Variants in SF3A1 observed in about 807,000 individuals in gnomAD.
The protein encoded by SF3A1 is SAP 114.
Under a neutral mutation model 89.9 loss-of-function variants are expected in SF3A1, and 13 were observed. The observed-to-expected ratio is 0.14, with a 90% CI of 0.09 to 0.23. SF3A1 has a LOEUF of 0.23. Ranked by LOEUF, SF3A1 falls within the 10% of genes least tolerant of loss-of-function variation. The pLI, the probability that SF3A1 is intolerant of heterozygous loss-of-function variation, is 1.00. For missense variants in SF3A1, 604 were observed against 1,022.1 expected (o/e 0.59, Z 5.58); for synonymous variants, 405 against 374.4 (o/e 1.08, Z -0.94).
chr22:30,351,799 C>T (rs895886778), intron 2 of SF3A1, among the ~76,000 whole-genome samples: 17 of 152,234 alleles, frequency 1.1e-4, no homozygotes, highest in African/African-American at 4.1e-4. Context: ...CACCTGACCT[C>T]CTCATTTTTA....
chr22:30,354,560 C>T (rs1931699697), intron 1 of SF3A1, among the ~76,000 whole-genome samples: 1 of 152,124 alleles, frequency 6.6e-6, no homozygotes, highest in Non-Finnish European at 1.5e-5. Context: ...TTTTGGTGTC[C>T]TCCACTTCCC....
At chr22:30,337,330 T>C in intron 12 of SF3A1, 150 bp from the exon 13 acceptor site, 2 of 786,578 alleles carry the variant, frequency 2.5e-6, no homozygotes, top group Non-Finnish European at 4.0e-6. Flanking sequence ...GCCAGCAGGT[T>C]CCCTGGCAAG....
rs1601693889 is a variant in SF3A1 at position 30,341,555 on chromosome 22, C to T, written c.1071+137G>A. Reference sequence around the variant, plus strand: ...AGGCTCTGTGCTGCCTGGACTTGGGCAGCTGTATGGCCTTGTTCAGGACCC... The same window carrying T: ...AGGCTCTGTGCTGCCTGGACTTGGGTAGCTGTATGGCCTTGTTCAGGACCC... On this transcript the variant is annotated intron_variant, in intron 7 of 15. Transcript: ENST00000215793. 14 of 589,510 alleles carry T rather than the reference C, an allele frequency of 2.4e-5. 1 individual carries two copies. The East Asian group carries it at 3.7e-4, about 16-fold the overall frequency. 36.5% of individuals were successfully genotyped at this position (589,510 alleles called of 1,614,324 possible). A position where few individuals can be genotyped will look rare whatever the true frequency, so the allele number is the denominator to read the frequency against.
intron 5 of SF3A1, 79 bp from the exon 6 acceptor site, chr22:30,342,429 A>C (rs1931288725): frequency 6.8e-7 from 1 of 1,478,874 alleles, no homozygotes; most frequent in Non-Finnish European, 9.1e-7. Context: ...CAGGGCTTTC[A>C]TCAAAGTCAG....
intron 2 of SF3A1, among the ~76,000 whole-genome samples, chr22:30,351,410 C>G (rs1286685018): frequency 6.6e-6 from 1 of 152,210 alleles, no homozygotes. Flanking sequence ...GAGACACTGC[C>G]TCAGGGGGGT....
At chr22:30,341,321 G>C (rs976243054) in intron 7 of SF3A1, among the ~76,000 whole-genome samples, 4 of 152,192 alleles carry the variant, frequency 2.6e-5, no homozygotes, top group African/African-American at 9.7e-5. Flanking sequence ...ATGCCTGAAA[G>C]GAAGCGTGGG....
chr22:30,339,839 G>A (rs1931193691), intron 9 of SF3A1, among the ~76,000 whole-genome samples: 1 of 152,234 alleles, frequency 6.6e-6, no homozygotes, highest in African/African-American at 2.4e-5. Flanking sequence ...AAGTGGCAGA[G>A]TCAAAACTAG....
Position 30,344,944 on chromosome 22 carries a change from G to A in SF3A1, c.640C>T (p.Gln214Ter). ...LFNYFTKLVE[Q>*]YTKILIPPKG... is the part of the protein sequence containing the mutation. ...TCCTGCCCAGGCACCTTGGTGTACT[G>A]TTCCACTAGCTTCGTGAAGTAGTTG... is the stretch of plus-strand genomic sequence containing the variant. Residue 214 changes from glutamine (Q) to a stop codon, truncating the protein, a stop_gained, in exon 4 of 16, where the codon CAG becomes TAG. Transcript: ENST00000215793. LOFTEE classifies it high-confidence loss of function. 1 of 1,614,218 alleles carries A rather than the reference G, an allele frequency of 6.2e-7. No individual in the cohort carries two copies. Among genetic ancestry groups the A allele is most frequent in the Non-Finnish European group, 8.5e-7 (1 of 1,180,022 alleles).
intron 13 of SF3A1, 22 bp from the exon 14 acceptor site, chr22:30,335,775 T>C: frequency 6.3e-7 from 1 of 1,596,146 alleles, no homozygotes; most frequent in Non-Finnish European, 8.6e-7. Flanking sequence ...GAGGTGGTCA[T>C]TATGCCTAGG....
At chr22:30,349,835 G>A (rs183592085) in intron 2 of SF3A1, among the ~76,000 whole-genome samples, 9 of 151,220 alleles carry the variant, frequency 6.0e-5, no homozygotes, top group African/African-American at 1.9e-4. Flanking sequence ...GTAGAGACAG[G>A]GGTCTCACTA....
In SF3A1 at chr22:30,345,157, G is replaced by A; in HGVS notation, c.427C>T (p.Pro143Ser). The A allele has an allele frequency of 6.2e-7, 1 of 1,614,034 alleles. No individual in the cohort carries two copies. The highest frequency in any genetic ancestry group is 8.5e-7 in the Non-Finnish European group (1 of 1,179,906). Reference protein sequence around the residue: ...QAQVIQETIVPKEPPPEFEFI... With the variant: ...QAQVIQETIVSKEPPPEFEFI... ...TCAAACTCAGGAGGAGGCTCTTTGG[G>A]CACGATGGTCTCTTGGATTACTTGG... Residue 143 changes from proline to serine, a missense_variant, in exon 4 of 16, where the codon CCC (proline) becomes TCC (serine). By Grantham distance (74) the Pro-to-Ser change is moderately conservative (BLOSUM62 -1). Around this residue, in one of 9 missense-constraint regions of SF3A1, gnomAD observed 162 missense variants for 229.2 expected, o/e 0.71. Transcript: ENST00000215793.
rs1310798279 is a variant in SF3A1 at position 30,333,059 on chromosome 22, G to A, written c.*1535C>T. On this transcript the variant is annotated 3_prime_UTR_variant, in exon 16 of 16. Transcript: ENST00000215793. ...CAACCAGTAGTGGGCTCACTTTAGG[G>A]ACGCAAACCACAAAGCCCACCTCAG... is the stretch of plus-strand genomic sequence containing the variant. The A allele has an allele frequency of 1.3e-5, 2 of 152,208 alleles. No homozygotes were observed. The highest frequency in any genetic ancestry group is 2.9e-5 in the Non-Finnish European group (2 of 68,048). 9.4% of individuals were successfully genotyped at this position (152,208 alleles called of 1,614,324 possible).
chr22:30,346,648 T>A (rs1931430834), intron 2 of SF3A1, 129 bp from the exon 3 acceptor site: 4 of 983,636 alleles, frequency 4.1e-6, no homozygotes, highest in Non-Finnish European at 6.1e-6. Context: ...TCAGCAGACG[T>A]CCTCCTCTAG....
At chr22:30,339,831 G>A (rs77710062) in intron 9 of SF3A1, among the ~76,000 whole-genome samples, 4 of 152,140 alleles carry the variant, frequency 2.6e-5, no homozygotes, top group South Asian at 2.1e-4. Context: ...CATGGTGTAA[G>A]TGGCAGAGTC....
Position 30,333,537 on chromosome 22 carries a change from T to C in SF3A1, c.*1057A>G, listed in dbSNP as rs1264692095. ...TAGCTTGATTCTAAAGATAACAGCC[T>C]GCCTTTACTCAGAAACCAGGACTGT... On this transcript the variant is annotated 3_prime_UTR_variant, in exon 16 of 16. Transcript: ENST00000215793. The C allele has an allele frequency of 6.6e-6, 1 of 152,240 alleles. No homozygotes were observed. The highest frequency in any genetic ancestry group is 2.4e-5 in the African/African-American group (1 of 41,456). 9.4% of individuals were successfully genotyped at this position (152,240 alleles called of 1,614,324 possible).
intron 2 of SF3A1, among the ~76,000 whole-genome samples, chr22:30,350,635 A>T (rs1931564117): frequency 1.3e-5 from 2 of 152,260 alleles, no homozygotes; most frequent in Non-Finnish European, 2.9e-5. Context: ...AAATGCTTAC[A>T]ACACAGAGTG....
chr22:30,349,311 C>T (rs1055051062), intron 2 of SF3A1, among the ~76,000 whole-genome samples: 3 of 152,196 alleles, frequency 2.0e-5, no homozygotes, highest in Non-Finnish European at 4.4e-5. Flanking sequence ...GGCGGAGTCT[C>T]GCTCCGTCAC....
chr22:30,350,664 T>C (rs1931564720), intron 2 of SF3A1, among the ~76,000 whole-genome samples: 1 of 152,108 alleles, frequency 6.6e-6, no homozygotes, highest in African/African-American at 2.4e-5. Context: ...TTACTAGTAT[T>C]ACAAGGATCT....
At position 30,342,243 on chromosome 22, in the gene SF3A1, A is replaced by G; in HGVS notation, c.834T>C (p.Asp278=). The G allele has an allele frequency of 6.2e-7, 1 of 1,614,114 alleles. No homozygotes were observed. The highest frequency in any genetic ancestry group is 8.5e-7 in the Non-Finnish European group (1 of 1,180,018). The change falls in exon 6 of 16, where the codon GAT becomes GAC. Residue 278 remains aspartate (D), a synonymous_variant. Coordinates refer to ENST00000215793, the MANE Select transcript of SF3A1 (RefSeq NM_005877.6). The stretch of plus-strand genomic sequence containing the variant: ...AGTCCACTGTTTCCACCACCACAAA[A>G]TCATGCCAGTCGATCTGAGCATAGG... The part of the protein sequence containing the change: ...RVAYAQIDWH[D]FVVVETVDFQ...
Sources: allele counts gnomAD v4.1 joint callset (sites outside exome capture counted in the v4.1 genomes callset), GRCh38; gene constraint gnomAD v4.1.1; regional missense constraint gnomAD v4.1.1; transcripts MANE v1.5; gene names NCBI Gene and HGNC (gene_info 2026-07-23, HGNC 2026-07-21).